Variants in ADIPOR2 observed in about 807,000 individuals in gnomAD.
ADIPOR2 encodes the protein adiponectin receptor 2.
In ADIPOR2, 18 loss-of-function variants were observed where a neutral mutation model predicts 40.9. That is an observed-to-expected ratio of 0.44 (90% CI 0.30 to 0.65). The LOEUF (loss-of-function observed/expected upper bound fraction) is 0.65, where lower values mean the gene tolerates loss of function less well. ADIPOR2 is among the 30% of genes least tolerant of loss of function. ADIPOR2 has a pLI of 0.09. For missense variants in ADIPOR2, 283 were observed against 479.2 expected, an observed-to-expected ratio of 0.59 and a Z score of 3.82; for synonymous variants, 165 against 166.4, an observed-to-expected ratio of 0.99 and a Z score of 0.06.
At chr12:1,729,196 T>G (rs1055037251) in intron 1 of ADIPOR2, among the ~76,000 whole-genome samples, 3 of 152,226 alleles carry the variant, frequency 2.0e-5, no homozygotes, top group Admixed American at 2.0e-4. Context: ...CTGTCAGGAC[T>G]GAGGTTAATT....
intron 1 of ADIPOR2, among the ~76,000 whole-genome samples, chr12:1,705,690 T>C (rs1005821537): frequency 1.3e-5 from 2 of 152,252 alleles, no homozygotes; most frequent in African/African-American, 4.8e-5. Flanking sequence ...GTCATTATTA[T>C]AGATCTTGGG....
rs1419817912 is a variant in ADIPOR2, at chr12:1,788,025, A to T, written c.*1953A>T. On this transcript the variant is annotated 3_prime_UTR_variant, in exon 8 of 8. Transcript: ENST00000357103. Reference sequence around the variant, plus strand: ...ACAGTGGCCATTTGGACAGAAGCCCACTTAGTTTCTTGGGAGCAACAGCAC... The same window carrying T: ...ACAGTGGCCATTTGGACAGAAGCCCTCTTAGTTTCTTGGGAGCAACAGCAC... 6.5e-6 allele frequency: 1 copy of T among 152,736 alleles called. No homozygotes were observed. Among genetic ancestry groups the T allele is most frequent in the Non-Finnish European group, 1.5e-5 (1 of 68,122 alleles). The allele number at this position is 152,736 out of a possible 1,614,324, so 9.5% of individuals were successfully genotyped here.
At chr12:1,731,693 CT>C (rs2094720733) in intron 1 of ADIPOR2, among the ~76,000 whole-genome samples, 1 of 152,198 alleles carries the variant, frequency 6.6e-6, no homozygotes, top group South Asian at 2.1e-4. Context: ...GGTTCGGTGG[CT>C]CATCCCTGTA....
chr12:1,773,305 C>T (rs985520072), intron 3 of ADIPOR2, among the ~76,000 whole-genome samples: 1 of 152,148 alleles, frequency 6.6e-6, no homozygotes, highest in African/African-American at 2.4e-5. Context: ...AAATGCCCTC[C>T]GCAGGTCCCT....
At chr12:1,731,313 T>C (rs544496719) in intron 1 of ADIPOR2, among the ~76,000 whole-genome samples, 1 of 152,326 alleles carries the variant, frequency 6.6e-6, no homozygotes, top group East Asian at 1.9e-4. Context: ...TGGGAGCCAC[T>C]GTGCTGGGCC....
At chr12:1,711,097 A>G (rs1427091264) in intron 1 of ADIPOR2, among the ~76,000 whole-genome samples, 1 of 152,116 alleles carries the variant, frequency 6.6e-6, no homozygotes, top group Non-Finnish European at 1.5e-5. Context: ...TAAAAGCAAC[A>G]TTCTTCCCCT....
chr12:1,702,970 C>CA (rs1290719650), intron 1 of ADIPOR2: 1 of 152,172 alleles, frequency 6.6e-6, no homozygotes, highest in African/African-American at 2.4e-5. Flanking sequence ...CGCTGCTATT[C>CA]AAAACTTCCT....
At chr12:1,783,764 T>G (rs1457952271) in intron 6 of ADIPOR2, 116 bp from the exon 7 acceptor site, 1 of 889,838 alleles carries the variant, frequency 1.1e-6, no homozygotes, top group Non-Finnish European at 1.6e-6. Context: ...GAAGCTAATT[T>G]TATATGCTAC....
chr12:1,702,230 G>A (rs370661614), intron 1 of ADIPOR2, among the ~76,000 whole-genome samples: 126 of 152,290 alleles, frequency 8.3e-4, no homozygotes, highest in African/African-American at 2.9e-3. Context: ...AAACAATAAG[G>A]ATAAAATGTT....
intron 2 of ADIPOR2, among the ~76,000 whole-genome samples, chr12:1,765,245 T>A (rs572153811): frequency 2.5e-4 from 38 of 152,320 alleles, no homozygotes; most frequent in African/African-American, 8.9e-4. Flanking sequence ...CCTACATGAT[T>A]TTAAATTAGT....
In ADIPOR2 at chr12:1,778,043, T is replaced by A; in HGVS notation, c.463+18T>A. 6.3e-7 allele frequency: 1 copy of A among 1,599,332 alleles called. No homozygotes were observed. On this transcript the variant is annotated intron_variant, in intron 4 of 7. Coordinates refer to ENST00000357103, the MANE Select transcript of ADIPOR2 (RefSeq NM_024551.3). ...TCTCTTAGGTATGTAATGTCAGTGATGTAATGAGCTGGTGATTCACTTTCT... is the reference window on the plus strand; with the variant it reads ...TCTCTTAGGTATGTAATGTCAGTGAAGTAATGAGCTGGTGATTCACTTTCT...
In ADIPOR2 at chr12:1,736,023, C is replaced by T. The variant is rs1182577010; in HGVS notation, c.-86-18235C>T. 7.2e-5 allele frequency among the ~76,000 whole-genome samples: 11 copies of T among 152,110 alleles called. 1 individual carries two copies. The highest frequency in any genetic ancestry group is 3.3e-4 in the Admixed American group (5 of 15,262). On this transcript the variant is annotated intron_variant, in intron 1 of 7. Coordinates refer to ENST00000357103, the MANE Select transcript of ADIPOR2 (RefSeq NM_024551.3). ...AGTATTTTATTGAGGATCTTTGCAT[C>T]GATGTTCATCAGGGATATTGGTCTA...
At chr12:1,719,428 G>C (rs556688768) in intron 1 of ADIPOR2, among the ~76,000 whole-genome samples, 5 of 152,116 alleles carry the variant, frequency 3.3e-5, no homozygotes, top group Non-Finnish European at 5.9e-5. Flanking sequence ...CATTGACTTA[G>C]GTGTCAGGCA....
At chr12:1,775,287 CTAGGGGGTAAAA>C (rs1862566853) in intron 3 of ADIPOR2, among the ~76,000 whole-genome samples, 1 of 151,942 alleles carries the variant, frequency 6.6e-6, no homozygotes, top group Non-Finnish European at 1.5e-5. Context: ...TTTTTTTATT[CTAGGGGGTAAAA>C]GAGGATACCT....
In ADIPOR2 at chr12:1,787,613, G is replaced by A. The variant is rs2286382; in HGVS notation, c.*1541G>A. On this transcript the variant is annotated 3_prime_UTR_variant, in exon 8 of 8. Coordinates refer to ENST00000357103, the MANE Select transcript of ADIPOR2 (RefSeq NM_024551.3). The stretch of plus-strand genomic sequence containing the variant: ...TAGGTGAACCACCAAAATAGTGCTC[G>A]AGTCTTAGGTTACTGTCATCAAAGA... The A allele has an allele frequency of 0.045, 6,837 of 152,242 alleles. 263 individuals are homozygous for A. Among genetic ancestry groups the A allele is most frequent in the East Asian group, 0.19 (975 of 5,176 alleles). The allele number at this position is 152,242 out of a possible 1,614,324, so 9.4% of individuals were successfully genotyped here.
At chr12:1,770,367 A>G (rs962014365) in intron 2 of ADIPOR2, among the ~76,000 whole-genome samples, 5 of 152,210 alleles carry the variant, frequency 3.3e-5, no homozygotes, top group African/African-American at 9.7e-5. Context: ...GAAATGGCTG[A>G]CAGTAATTTG....
intron 1 of ADIPOR2, among the ~76,000 whole-genome samples, chr12:1,719,361 C>T (rs11061946): frequency 0.072 from 10,968 of 152,132 alleles, 630 homozygotes; most frequent in East Asian, 0.26. Flanking sequence ...CATTTAAGTG[C>T]TATCATGCAT....
chr12:1,748,637 G>GT (rs1275075398), intron 1 of ADIPOR2, among the ~76,000 whole-genome samples: 3 of 151,622 alleles, frequency 2.0e-5, no homozygotes, highest in African/African-American at 2.4e-5. Flanking sequence ...TTTTTTTTAA[G>GT]TTTTTTGTCT....
intron 1 of ADIPOR2, among the ~76,000 whole-genome samples, chr12:1,752,081 G>A (rs2094770500): frequency 6.6e-6 from 1 of 150,748 alleles, no homozygotes; most frequent in South Asian, 2.1e-4. Context: ...CTAATTTTTT[G>A]TATTTTTAGT....
Sources: allele counts gnomAD v4.1 joint callset (sites outside exome capture counted in the v4.1 genomes callset), GRCh38; gene constraint gnomAD v4.1.1; transcripts MANE v1.5; gene names NCBI Gene and HGNC (gene_info 2026-07-23, HGNC 2026-07-21).